Variants in FGFR2 observed in about 807,000 individuals in gnomAD.
FGFR2 encodes fibroblast growth factor receptor 2.
FGFR2 carries 19 observed loss-of-function variants against 95.9 expected under a neutral mutation model. That is an observed-to-expected ratio of 0.20 (90% confidence interval 0.14 to 0.29). The LOEUF (loss-of-function observed/expected upper bound fraction) is 0.29. Ranked by LOEUF, FGFR2 falls within the 10% of genes least tolerant of loss-of-function variation. The pLI is 1.00. For missense variants in FGFR2, 707 were observed against 1,056.9 expected, an observed-to-expected ratio of 0.67 and a Z score of 4.59; for synonymous variants, 392 against 393.3, an observed-to-expected ratio of 1.00 and a Z score of 0.04.
At chr10:121,528,652 C>A (rs1254765773) in intron 6 of FGFR2, among the ~76,000 whole-genome samples, 1 of 152,186 alleles carries the variant, frequency 6.6e-6, no homozygotes, top group Non-Finnish European at 1.5e-5. Flanking sequence ...ACATGAGAGG[C>A]TGAACAATAA....
intron 12 of FGFR2, 151 bp from the exon 13 acceptor site, chr10:121,496,873 G>A (rs1237240183): frequency 4.3e-6 from 3 of 705,328 alleles, no homozygotes; most frequent in African/African-American, 1.8e-5. Flanking sequence ...CCTCATATCT[G>A]TAATCCCAGC....
rs2134313702 is a variant in FGFR2 at position 121,520,075 on chromosome 10, G to A, written c.843C>T (p.Tyr281=). Reference sequence around the variant, plus strand: ...ACTGGATGTGGGGCTGGGCATCACTGTAAACCTTGCAGACAAACTCTACGT... The same window carrying A: ...ACTGGATGTGGGGCTGGGCATCACTATAAACCTTGCAGACAAACTCTACGT... ...GGDVEFVCKV[Y]SDAQPHIQWI... is the part of the protein sequence containing the mutation. Residue 281 remains tyrosine, a synonymous_variant, in exon 7 of 18, where the codon TAC becomes TAT. Transcript: ENST00000358487. 5 of 1,614,242 alleles carry A rather than the reference G, an allele frequency of 3.1e-6. No homozygotes were observed. The highest frequency in any genetic ancestry group is 1.1e-5 in the South Asian group (1 of 91,084).
intron 2 of FGFR2, among the ~76,000 whole-genome samples, chr10:121,569,806 A>G (rs1858311980): frequency 6.6e-6 from 1 of 151,992 alleles, no homozygotes; most frequent in Admixed American, 6.5e-5. Context: ...TCCTCCCTCC[A>G]CCCCTTCAGT....
At chr10:121,481,563 C>A (rs189275786) in intron 17 of FGFR2, among the ~76,000 whole-genome samples, 36 of 152,230 alleles carry the variant, frequency 2.4e-4, no homozygotes, top group African/African-American at 8.7e-4. Context: ...CAAAAGAGAA[C>A]TTTTTGCTTA....
At chr10:121,520,282 C>G in intron 6 of FGFR2, 113 bp from the exon 7 acceptor site, 1 of 1,087,546 alleles carries the variant, frequency 9.2e-7, no homozygotes, top group Non-Finnish European at 1.3e-6. Context: ...AGCCTCAAGC[C>G]TGCTGGCTGA....
At chr10:121,512,522 ATT>A (rs1415359233) in intron 9 of FGFR2, among the ~76,000 whole-genome samples, 1 of 151,186 alleles carries the variant, frequency 6.6e-6, no homozygotes, top group African/African-American at 2.4e-5. Flanking sequence ...AGCCAATTAC[ATT>A]TTCTTTTTTT....
At chr10:121,597,385 G>A (rs558457783) in intron 1 of FGFR2, among the ~76,000 whole-genome samples, 225 of 152,308 alleles carry the variant, frequency 1.5e-3, no homozygotes, top group African/African-American at 5.1e-3. Context: ...GCTCCCTCCA[G>A]CGCCGACGGC....
chr10:121,520,392 T>C (rs1307193054), intron 6 of FGFR2, among the ~76,000 whole-genome samples: 1 of 152,026 alleles, frequency 6.6e-6, no homozygotes, highest in Non-Finnish European at 1.5e-5. Context: ...ACTTAGAAAA[T>C]TGAGAAAAGA....
At chr10:121,595,469 G>A (rs1316744810) in intron 1 of FGFR2, among the ~76,000 whole-genome samples, 1 of 152,074 alleles carries the variant, frequency 6.6e-6, no homozygotes, top group African/African-American at 2.4e-5. Flanking sequence ...TGCATGGTGT[G>A]TGTGTATGCA....
intron 6 of FGFR2, among the ~76,000 whole-genome samples, chr10:121,534,831 C>T (rs1369027703): frequency 2.0e-5 from 3 of 152,166 alleles, no homozygotes; most frequent in Admixed American, 6.5e-5. Flanking sequence ...ACCTACCTGC[C>T]AGCCTGATGT....
intron 5 of FGFR2, among the ~76,000 whole-genome samples, chr10:121,539,586 A>G (rs766786148): frequency 6.6e-6 from 1 of 152,234 alleles, no homozygotes; most frequent in African/African-American, 2.4e-5. Context: ...AACATCTTGT[A>G]TCTTCAGGGT....
At chr10:121,488,441 T>C (rs1050719306) in intron 13 of FGFR2, among the ~76,000 whole-genome samples, 4 of 149,764 alleles carry the variant, frequency 2.7e-5, no homozygotes, top group Admixed American at 6.7e-5. Flanking sequence ...CTCAGGAGGC[T>C]GAGGCACAAG....
intron 2 of FGFR2, among the ~76,000 whole-genome samples, chr10:121,593,046 C>T (rs773379304): frequency 1.3e-5 from 2 of 152,170 alleles, no homozygotes; most frequent in Non-Finnish European, 2.9e-5. Context: ...AATTAAATTT[C>T]CAAAGCTGTG....
intron 5 of FGFR2, among the ~76,000 whole-genome samples, chr10:121,547,439 G>T (rs1854690893): frequency 6.7e-6 from 1 of 148,590 alleles, no homozygotes; most frequent in Non-Finnish European, 1.5e-5. Context: ...CTATCATCCA[G>T]GCTGGACTGC....
Position 121,517,179 on chromosome 10 carries a change from C to A in FGFR2, c.1084+140G>T. 2.1e-6 allele frequency: 2 copies of A among 935,768 alleles called. No individual in the cohort carries two copies. The highest frequency in any genetic ancestry group is 3.4e-6 in the Non-Finnish European group (2 of 593,632). 58.0% of individuals were successfully genotyped at this position (935,768 alleles called of 1,614,324 possible). ...GAATTTCCAAGGCAGTTTTCTTATC[C>A]CTGAGGGATCATTTTTAACATTTTT... is the stretch of plus-strand genomic sequence containing the variant. On this transcript the variant is annotated intron_variant, in intron 8 of 17. Coordinates refer to ENST00000358487, the MANE Select transcript of FGFR2 (RefSeq NM_000141.5). This position sits in a 1 kb window ranked among gnomAD's most constrained non-coding sequence, Gnocchi z 4.7.
chr10:121,541,191 A>G (rs1853689864), intron 5 of FGFR2, among the ~76,000 whole-genome samples: 1 of 152,214 alleles, frequency 6.6e-6, no homozygotes, highest in African/African-American at 2.4e-5. Context: ...CCATCCAGAA[A>G]TCTTGGTACT....
rs187042480 is a variant in FGFR2 at position 121,569,849 on chromosome 10, A to C, written c.110-4145T>G. 4.0e-3 allele frequency among the ~76,000 whole-genome samples: 608 copies of C among 152,366 alleles called. 2 individuals are homozygous for C. The highest frequency in any genetic ancestry group is 0.013 in the African/African-American group (535 of 41,588). The stretch of plus-strand genomic sequence containing the variant: ...TCACAAAGGGCCCATTTTGGGGATC[A>C]GCGGTGCCTTTAGTAAACATGCCAG... On this transcript the variant is annotated intron_variant, in intron 2 of 17. Coordinates refer to ENST00000358487, the MANE Select transcript of FGFR2 (RefSeq NM_000141.5).
chr10:121,534,706 T>C (rs1823242489), intron 6 of FGFR2, among the ~76,000 whole-genome samples: 1 of 152,140 alleles, frequency 6.6e-6, no homozygotes, highest in African/African-American at 2.4e-5. Context: ...CAAAATGGCA[T>C]TCTGTTTGTT....
At chr10:121,516,428 G>A (rs1849718424) in intron 8 of FGFR2, among the ~76,000 whole-genome samples, 1 of 152,188 alleles carries the variant, frequency 6.6e-6, no homozygotes, top group African/African-American at 2.4e-5. Context: ...ACTCTCAGCA[G>A]CAACAGCACA....
Sources: gnomAD v4.1 joint callset for allele counts (sites outside exome capture counted in the v4.1 genomes callset) on GRCh38, gnomAD v4.1.1 for gene constraint, Gnocchi (gnomAD v3.1) non-coding constraint, MANE v1.5 for transcripts, NCBI Gene and HGNC (gene_info 2026-07-23, HGNC 2026-07-21) for gene names.